The following SLC6A9 variants were observed in gnomAD, a reference collection of about 807,000 sequenced individuals.
SLC6A9 encodes sodium- and chloride-dependent glycine transporter 1.
Under a neutral mutation model 70.9 loss-of-function variants are expected in SLC6A9, and 31 were observed. That is an observed-to-expected ratio of 0.44 (90% CI 0.33 to 0.59). The LOEUF (loss-of-function observed/expected upper bound fraction) is 0.59. Ranked by LOEUF, SLC6A9 falls within the 20% of genes least tolerant of loss-of-function variation. The pLI, the probability that SLC6A9 is intolerant of heterozygous loss-of-function variation, is 0.04. For missense variants in SLC6A9, 631 were observed against 845.2 expected, an observed-to-expected ratio of 0.75 and a Z score of 3.14; for synonymous variants, 310 against 341.3, an observed-to-expected ratio of 0.91 and a Z score of 1.01.
chr1:44,012,462 T>C (rs894103583), intron 2 of SLC6A9, among the ~76,000 whole-genome samples: 1 of 152,250 alleles, frequency 6.6e-6, no homozygotes, highest in Non-Finnish European at 1.5e-5. Flanking sequence ...CCAGGGACCA[T>C]GGGTTTCCTT....
intron 1 of SLC6A9, among the ~76,000 whole-genome samples, chr1:44,025,024 C>T (rs1325003038): frequency 6.6e-6 from 1 of 152,218 alleles, no homozygotes; most frequent in African/African-American, 2.4e-5. Flanking sequence ...AAGTTGCTTC[C>T]TCCTTTCTGT....
chr1:44,001,682 G>T, intron 8 of SLC6A9, 55 bp from the exon 9 acceptor site: 1 of 1,344,224 alleles, frequency 7.4e-7, no homozygotes, highest in Non-Finnish European at 1.0e-6. Flanking sequence ...GGGCCAAGAG[G>T]AGACATGGAG....
intron 2 of SLC6A9, among the ~76,000 whole-genome samples, chr1:44,021,179 C>T (rs1039310733): frequency 1.4e-4 from 22 of 152,032 alleles, no homozygotes; most frequent in Admixed American, 2.6e-4. Context: ...CTGCTCCGCA[C>T]GTGTATGAGG....
intron 3 of SLC6A9, 150 bp downstream of exon 3, chr1:44,010,576 G>A: frequency 4.3e-6 from 3 of 705,796 alleles, no homozygotes; most frequent in African/African-American, 3.6e-5. Context: ...TTAGGCAAAG[G>A]GTGCCTAAGC....
Position 44,009,853 on chromosome 1 carries a change from T to G in SLC6A9, c.319+112A>C, listed in dbSNP as rs530736219. Reference sequence around the variant, plus strand: ...GTTGATGTGGGGCTTGGGGTCAGCATCAGGGCTCTACAGAGGTCAGCCATG... The same window carrying G: ...GTTGATGTGGGGCTTGGGGTCAGCAGCAGGGCTCTACAGAGGTCAGCCATG... On this transcript the variant is annotated intron_variant, in intron 4 of 13. Coordinates refer to ENST00000372310, the MANE Select transcript of SLC6A9 (RefSeq NM_001024845.3). 37 of 1,288,554 alleles carry G rather than the reference T, an allele frequency of 2.9e-5. No homozygotes were observed. The African/African-American group carries it at 4.2e-4, about 14-fold the overall frequency. 79.8% of individuals were successfully genotyped at this position (1,288,554 alleles called of 1,614,324 possible).
In SLC6A9 at chr1:44,008,412, G is replaced by T. The variant is rs537059366; in HGVS notation, c.531C>A (p.Asn177Lys). 1.2e-6 allele frequency: 2 copies of T among 1,614,130 alleles called. No individual in the cohort carries two copies. Among genetic ancestry groups the T allele is most frequent in the South Asian group, 2.2e-5 (2 of 91,088 alleles). The stretch of plus-strand genomic sequence containing the variant: ...GGCTGTGGTTGAGCAGGTGGGAGAG[G>T]TTGCTGGGCAAGGCGGCTGGCCGAG... ...NGSRPAALPS[N>K]LSHLLNHSLQ... Residue 177 changes from asparagine (N) to lysine (K), a missense_variant, in exon 5 of 14, where the codon AAC becomes AAA. Transcript: ENST00000372310.
intron 5 of SLC6A9, 87 bp from the exon 6 acceptor site, chr1:44,003,072 CCT>C (rs2086181491): frequency 1.7e-5 from 25 of 1,504,764 alleles, no homozygotes; most frequent in Non-Finnish European, 2.1e-5. Flanking sequence ...CGGGCTGTAC[CCT>C]CCTTTGTCAT....
At chr1:44,009,325 T>C (rs1001960788) in intron 4 of SLC6A9, among the ~76,000 whole-genome samples, 6 of 151,920 alleles carry the variant, frequency 3.9e-5, no homozygotes, top group African/African-American at 1.5e-4. Flanking sequence ...GTTCACGCCA[T>C]TCTCCCGCCT....
At chr1:44,003,496 C>G (rs536777799) in intron 5 of SLC6A9, among the ~76,000 whole-genome samples, 36 of 152,194 alleles carry the variant, frequency 2.4e-4, no homozygotes, top group Non-Finnish European at 4.9e-4. Context: ...GTGGCTCACA[C>G]CTGTAATCCC....
intron 2 of SLC6A9, chr1:44,016,645 C>T (rs1374695928): frequency 1.1e-5 from 2 of 174,380 alleles, no homozygotes; most frequent in Non-Finnish European, 2.4e-5. Flanking sequence ...TACCACGTTC[C>T]CCTGCCCCCT....
rs199776633 is a variant in SLC6A9 at position 44,010,890 on chromosome 1, G to T, written c.31-8C>A. 6.2e-7 allele frequency: 1 copy of T among 1,613,984 alleles called. No homozygotes were observed. Among genetic ancestry groups the T allele is most frequent in the Non-Finnish European group, 8.5e-7 (1 of 1,179,956 alleles). The stretch of plus-strand genomic sequence containing the variant: ...GCTGGGCACAGCACCATTCTGTGGG[G>T]ACAGGAGAGAAGCTACCATCAGCAA... On this transcript the variant is annotated splice_polypyrimidine_tract_variant and splice_region_variant and intron_variant, in intron 2 of 13. Transcript: ENST00000372310.
In SLC6A9 at chr1:44,016,921, C is replaced by T. The variant is rs2154306840; in HGVS notation, c.31-6039G>A. 6.2e-6 allele frequency: 6 copies of T among 968,574 alleles called. No individual in the cohort carries two copies. In the Middle Eastern group the frequency reaches 8.9e-4, roughly 143 times the overall value. 60.0% of individuals were successfully genotyped at this position (968,574 alleles called of 1,614,324 possible). A position where few individuals can be genotyped will look rare whatever the true frequency, so the allele number is the denominator to read the frequency against. ...CTGGGTCACTTTGGCTGGTGTCTGT[C>T]TTGCTTGCTGGCTGTGCCTGCCCCT... On this transcript the variant is annotated intron_variant, in intron 2 of 13. Transcript: ENST00000372310.
Position 44,013,869 on chromosome 1 carries a change from C to A in SLC6A9, c.31-2987G>T, listed in dbSNP as rs781288047. Among the ~76,000 whole-genome samples, 9 of 152,214 alleles carry A rather than the reference C, an allele frequency of 5.9e-5. No homozygotes were observed. Among genetic ancestry groups the A allele is most frequent in the South Asian group, 4.1e-4 (2 of 4,836 alleles). On this transcript the variant is annotated intron_variant, in intron 2 of 13. Coordinates refer to ENST00000372310, the MANE Select transcript of SLC6A9 (RefSeq NM_001024845.3). The surrounding 1 kb of genome is among the most constrained non-coding windows in gnomAD (Gnocchi z 5.3). ...TGACTTCCCTCCTGAGCAGCTAAAT[C>A]TTTTTCAATACTGTATGGCTTTTTT...
Position 44,018,307 on chromosome 1 carries a change from A to C in SLC6A9, c.30+5941T>G, listed in dbSNP as rs1041499660. Among the ~76,000 whole-genome samples the C allele has an allele frequency of 6.6e-6, 1 of 152,154 alleles. No homozygotes were observed. The highest frequency in any genetic ancestry group is 1.5e-5 in the Non-Finnish European group (1 of 68,038). On this transcript the variant is annotated intron_variant, in intron 2 of 13. Transcript: ENST00000372310. This position sits in a 1 kb window ranked among gnomAD's most constrained non-coding sequence, Gnocchi z 4.2. ...ACAGGATGACATTAAAAATTTAAAA[A>C]CAGGGCCAGGTACGGTGGCTCACGC...
chr1:43,998,464 C>A, intron 12 of SLC6A9, among the ~76,000 whole-genome samples: 1 of 152,220 alleles, frequency 6.6e-6, no homozygotes, highest in East Asian at 1.9e-4. Context: ...ACCCACTCTT[C>A]ATTTATTCTG....
chr1:44,010,586 C>A lies in SLC6A9; in HGVS notation c.187+140G>T, dbSNP rs528889142. The stretch of plus-strand genomic sequence containing the variant: ...CTGCCTTAGGCAAAGGGTGCCTAAG[C>A]CAGGGATGGGGGCGAAGGAGGCCAG... On this transcript the variant is annotated intron_variant, in intron 3 of 13. Transcript: ENST00000372310. The A allele has an allele frequency of 9.8e-5, 78 of 797,382 alleles. No homozygotes were observed. The South Asian group carries it at 1.3e-3, about 14-fold the overall frequency. The allele number at this position is 797,382 out of a possible 1,614,324, so 49.4% of individuals were successfully genotyped here. A position where few individuals can be genotyped will look rare whatever the true frequency, so the allele number is the denominator to read the frequency against.
intron 2 of SLC6A9, chr1:44,015,752 A>G: frequency 1.6e-6 from 1 of 612,936 alleles, no homozygotes; most frequent in African/African-American, 2.0e-5. Flanking sequence ...TCCTTCACCT[A>G]CATGGCACTG....
At chr1:44,008,051 G>GT (rs768622220) in intron 5 of SLC6A9, among the ~76,000 whole-genome samples, 2 of 152,030 alleles carry the variant, frequency 1.3e-5, no homozygotes, top group Non-Finnish European at 2.9e-5. Context: ...TGTATTTTTA[G>GT]TAGAGACAGG....
intron 2 of SLC6A9, among the ~76,000 whole-genome samples, chr1:44,022,355 G>A (rs955186259): frequency 1.5e-4 from 23 of 152,160 alleles, no homozygotes; most frequent in Admixed American, 2.0e-4. Context: ...GCCACACCCC[G>A]CTTCTTATCA....
Sources: allele counts gnomAD v4.1 joint callset (sites outside exome capture counted in the v4.1 genomes callset), GRCh38; gene constraint gnomAD v4.1.1; non-coding constraint Gnocchi (gnomAD v3.1); transcripts MANE v1.5; gene names NCBI Gene and HGNC (gene_info 2026-07-23, HGNC 2026-07-21).